Variants in TTC29 observed in about 807,000 individuals in gnomAD.
The protein encoded by TTC29 is tetratricopeptide repeat protein 29.
A neutral mutation model predicts 58.1 loss-of-function variants in TTC29; 49 were observed. The observed-to-expected ratio is 0.84, with a 90% CI of 0.67 to 1.07. The LOEUF (loss-of-function observed/expected upper bound fraction) is 1.07, where lower values mean the gene tolerates loss of function less well. Ranked by LOEUF, TTC29 falls within the 50% of genes least tolerant of loss-of-function variation. TTC29 has a pLI of 0.00. For missense variants in TTC29, 582 were observed against 555.6 expected (o/e 1.05, Z -0.48); for synonymous variants, 209 against 196.8 (o/e 1.06, Z -0.52).
At chr4:146,770,895 T>A (rs1033215277) in intron 11 of TTC29, among the ~76,000 whole-genome samples, 1 of 152,118 alleles carries the variant, frequency 6.6e-6, no homozygotes, top group African/African-American at 2.4e-5. Context: ...TACCAATAAC[T>A]AACTTATAAT....
intron 8 of TTC29, among the ~76,000 whole-genome samples, chr4:146,847,546 G>A (rs184271006): frequency 3.9e-5 from 6 of 152,260 alleles, no homozygotes; most frequent in Non-Finnish European, 8.8e-5. Flanking sequence ...GGCAGGAGCC[G>A]GCACTGAGGC....
chr4:146,731,402 T>A (rs1368965106), intron 11 of TTC29, among the ~76,000 whole-genome samples: 1 of 152,106 alleles, frequency 6.6e-6, no homozygotes, highest in Admixed American at 6.6e-5. Flanking sequence ...AGGTTAGTGA[T>A]CACAACTTCA....
chr4:146,849,815 C>G (rs1729405511), intron 8 of TTC29, among the ~76,000 whole-genome samples: 1 of 152,142 alleles, frequency 6.6e-6, no homozygotes, highest in South Asian at 2.1e-4. Context: ...GGCTTTTGCC[C>G]TGGCCATTAC....
intron 10 of TTC29, among the ~76,000 whole-genome samples, chr4:146,804,419 G>A (rs1750457273): frequency 6.6e-6 from 1 of 152,118 alleles, no homozygotes; most frequent in Non-Finnish European, 1.5e-5. Flanking sequence ...GCTGAAGCCA[G>A]GGAGCCAAGT....
intron 11 of TTC29, among the ~76,000 whole-genome samples, chr4:146,734,928 GT>G (rs1475532573): frequency 6.6e-6 from 1 of 152,092 alleles, no homozygotes; most frequent in Non-Finnish European, 1.5e-5. Flanking sequence ...AGCCACAGCT[GT>G]GTTGAGATCA....
At chr4:146,724,328 ATATGT>A (rs1462157641) in intron 11 of TTC29, among the ~76,000 whole-genome samples, 1 of 152,178 alleles carries the variant, frequency 6.6e-6, no homozygotes, top group African/African-American at 2.4e-5. Context: ...GCATCACAGA[ATATGT>A]CCAAGTAACA....
At chr4:146,736,913 G>A (rs1429901028) in intron 11 of TTC29, among the ~76,000 whole-genome samples, 1 of 152,146 alleles carries the variant, frequency 6.6e-6, no homozygotes, top group Non-Finnish European at 1.5e-5. Flanking sequence ...GAAACTCTGT[G>A]AGGTGCTGCT....
intron 10 of TTC29, 94 bp from the exon 11 acceptor site, chr4:146,803,779 T>C: frequency 1.1e-6 from 1 of 928,444 alleles, no homozygotes; most frequent in East Asian, 2.7e-5. Flanking sequence ...CACACTGACC[T>C]TTCGACAGTT....
intron 11 of TTC29, among the ~76,000 whole-genome samples, chr4:146,745,232 C>G (rs1261084124): frequency 6.6e-6 from 1 of 152,192 alleles, no homozygotes; most frequent in Non-Finnish European, 1.5e-5. Context: ...GAAAAGGGCA[C>G]AGGGCCTTTG....
chr4:146,906,718 T>G (rs1733543910), intron 5 of TTC29, among the ~76,000 whole-genome samples: 1 of 152,152 alleles, frequency 6.6e-6, no homozygotes, highest in Non-Finnish European at 1.5e-5. Context: ...TCAGCTGAAG[T>G]TTTTCCAGTA....
chr4:146,759,148 T>C (rs1370173415), intron 11 of TTC29, among the ~76,000 whole-genome samples: 1 of 152,022 alleles, frequency 6.6e-6, no homozygotes, highest in Non-Finnish European at 1.5e-5. Context: ...GCAGGAGATA[T>C]TACAACTGAC....
At chr4:146,938,306 A>G (rs1295037705) in intron 3 of TTC29, among the ~76,000 whole-genome samples, 1 of 152,148 alleles carries the variant, frequency 6.6e-6, no homozygotes. Context: ...ATGGAACTAA[A>G]CAAATATCAG....
intron 8 of TTC29, among the ~76,000 whole-genome samples, chr4:146,834,356 G>C (rs1728368218): frequency 1.3e-5 from 2 of 152,098 alleles, no homozygotes; most frequent in Non-Finnish European, 2.9e-5. Context: ...CATTTTATTA[G>C]ATGCATAGCT....
At chr4:146,735,523 G>T (rs1744653275) in intron 11 of TTC29, among the ~76,000 whole-genome samples, 1 of 152,214 alleles carries the variant, frequency 6.6e-6, no homozygotes, top group Admixed American at 6.5e-5. Flanking sequence ...TGAGGGAATA[G>T]CCAGCCTGGT....
intron 6 of TTC29, among the ~76,000 whole-genome samples, chr4:146,878,051 C>T (rs527658276): frequency 1.3e-5 from 2 of 152,144 alleles, no homozygotes; most frequent in South Asian, 4.2e-4. Flanking sequence ...GCCAGACGTC[C>T]TCTGTGTTAC....
At chr4:146,770,341 C>T (rs1747638774) in intron 11 of TTC29, among the ~76,000 whole-genome samples, 1 of 151,752 alleles carries the variant, frequency 6.6e-6, no homozygotes, top group African/African-American at 2.4e-5. Context: ...GGGTAATGTC[C>T]ACACTGCCAG....
At chr4:146,892,428 A>G (rs1043133755) in intron 6 of TTC29, among the ~76,000 whole-genome samples, 3 of 152,230 alleles carry the variant, frequency 2.0e-5, no homozygotes, top group African/African-American at 7.2e-5. Flanking sequence ...ACCAACGACA[A>G]AAACCATACG....
intron 10 of TTC29, among the ~76,000 whole-genome samples, chr4:146,814,724 CAAAAAAAAAA>C (rs1023402149): frequency 1.7e-4 from 6 of 35,128 alleles, no homozygotes; most frequent in Admixed American, 1.3e-3. Context: ...GACTCCATCT[CAAAAAAAAAA>C]AAAAAAAAAA....
At chr4:146,934,277 A>AT (rs924544116) in intron 4 of TTC29, 2 of 152,236 alleles carry the variant, frequency 1.3e-5, no homozygotes, top group African/African-American at 4.8e-5. Context: ...CACGGGATAC[A>AT]TTTTGGAGTT....
Sources: gnomAD v4.1 joint callset for allele counts (sites outside exome capture counted in the v4.1 genomes callset) on GRCh38, gnomAD v4.1.1 for gene constraint, MANE v1.5 for transcripts, NCBI Gene and HGNC (gene_info 2026-07-23, HGNC 2026-07-21) for gene names.